The following ADRA1B variants were observed in gnomAD, a reference collection of about 807,000 sequenced individuals.
ADRA1B encodes the protein adrenoceptor alpha 1B.
Under a neutral mutation model 17.9 loss-of-function variants are expected in ADRA1B, and 17 were observed. The observed-to-expected ratio is 0.95, with a 90% CI of 0.65 to 1.42. ADRA1B has a LOEUF of 1.42. Among genes scored for constraint, ADRA1B ranks in the 40% most tolerant of loss-of-function variants. The pLI is 0.00. For missense variants in ADRA1B, 681 were observed against 722.1 expected, an observed-to-expected ratio of 0.94 and a Z score of 0.65; for synonymous variants, 366 against 327.6, an observed-to-expected ratio of 1.12 and a Z score of -1.27.
chr5:159,931,712 A>C (rs1418281877), intron 1 of ADRA1B, among the ~76,000 whole-genome samples: 1 of 152,222 alleles, frequency 6.6e-6, no homozygotes, highest in Non-Finnish European at 1.5e-5. Context: ...CGGAAGTCCA[A>C]GATCAAGGAG....
intron 1 of ADRA1B, among the ~76,000 whole-genome samples, chr5:159,873,381 A>G (rs1753769469): frequency 6.6e-6 from 1 of 152,206 alleles, no homozygotes; most frequent in South Asian, 2.1e-4. Flanking sequence ...AAGTGCCATC[A>G]GCAGACACTC....
intron 1 of ADRA1B, among the ~76,000 whole-genome samples, chr5:159,882,777 A>G (rs1753876252): frequency 6.6e-6 from 1 of 151,998 alleles, no homozygotes; most frequent in South Asian, 2.1e-4. Context: ...GTGTCTGTTC[A>G]TTTTGCAATT....
At chr5:159,896,986 C>T (rs78181344) in intron 1 of ADRA1B, among the ~76,000 whole-genome samples, 2,727 of 152,250 alleles carry the variant, frequency 0.018, 74 homozygotes, top group African/African-American at 0.062. Context: ...GGAAAAATAG[C>T]CTGCATATCT....
At chr5:159,942,209 G>A (rs547571091) in intron 1 of ADRA1B, among the ~76,000 whole-genome samples, 5 of 152,188 alleles carry the variant, frequency 3.3e-5, no homozygotes, top group South Asian at 4.2e-4. Context: ...GGCGTGAGCC[G>A]CCATGGCCGG....
intron 1 of ADRA1B, among the ~76,000 whole-genome samples, chr5:159,927,383 A>G (rs1416705441): frequency 7.1e-6 from 1 of 141,330 alleles, no homozygotes; most frequent in Non-Finnish European, 1.5e-5. Flanking sequence ...TAAAACATGC[A>G]CACACACACA....
intron 1 of ADRA1B, among the ~76,000 whole-genome samples, chr5:159,883,747 G>A (rs1445345984): frequency 6.6e-6 from 1 of 152,212 alleles, no homozygotes; most frequent in Non-Finnish European, 1.5e-5. Flanking sequence ...TAAGAAGAGG[G>A]TGATGAACAT....
At chr5:159,949,282 T>G (rs906647482) in intron 1 of ADRA1B, among the ~76,000 whole-genome samples, 3 of 152,194 alleles carry the variant, frequency 2.0e-5, no homozygotes, top group African/African-American at 7.2e-5. Context: ...TGAAGCCCAA[T>G]CTTCTGATAG....
At chr5:159,889,991 C>G (rs1753964672) in intron 1 of ADRA1B, among the ~76,000 whole-genome samples, 1 of 152,200 alleles carries the variant, frequency 6.6e-6, no homozygotes, top group Non-Finnish European at 1.5e-5. Flanking sequence ...TAAATAGACT[C>G]TGGCACAGAA....
intron 1 of ADRA1B, among the ~76,000 whole-genome samples, chr5:159,931,333 A>T (rs1277306001): frequency 1.3e-5 from 2 of 151,752 alleles, no homozygotes; most frequent in East Asian, 3.9e-4. Flanking sequence ...GGTCAAGGGT[A>T]CAATGAGCCA....
intron 1 of ADRA1B, among the ~76,000 whole-genome samples, chr5:159,907,311 T>G (rs941054147): frequency 1.2e-4 from 19 of 152,178 alleles, no homozygotes; most frequent in Non-Finnish European, 2.5e-4. Context: ...ATATGGCAAT[T>G]TCAGAAGTTG....
intron 1 of ADRA1B, among the ~76,000 whole-genome samples, chr5:159,933,363 G>A (rs546006745): frequency 5.3e-5 from 8 of 152,184 alleles, no homozygotes; most frequent in African/African-American, 1.7e-4. Context: ...GCAGACTCCC[G>A]GGAAAGGCCT....
At chr5:159,969,979 C>A (rs967794514) in intron 1 of ADRA1B, among the ~76,000 whole-genome samples, 1 of 151,418 alleles carries the variant, frequency 6.6e-6, no homozygotes, top group African/African-American at 2.4e-5. Flanking sequence ...TAGTCTAAAT[C>A]CCAGATATAT....
the ADRA1B span, among the ~76,000 whole-genome samples, chr5:159,979,911 G>A: frequency 6.6e-6 from 1 of 151,580 alleles, no homozygotes; most frequent in African/African-American, 2.4e-5. Context: ...GCAAGAAGGA[G>A]AGCAGAGGAG....
intron 1 of ADRA1B, among the ~76,000 whole-genome samples, chr5:159,957,770 T>C (rs1416447736): frequency 6.6e-6 from 1 of 151,172 alleles, no homozygotes; most frequent in African/African-American, 2.4e-5. Flanking sequence ...ACCTCGTCTC[T>C]ACTACAAATA....
At chr5:159,873,749 C>G (rs1042933156) in intron 1 of ADRA1B, among the ~76,000 whole-genome samples, 1 of 152,154 alleles carries the variant, frequency 6.6e-6, no homozygotes, top group Non-Finnish European at 1.5e-5. Context: ...TCACCTCCTT[C>G]CATCTCTAGA....
intron 1 of ADRA1B, among the ~76,000 whole-genome samples, chr5:159,944,189 C>G (rs1040626537): frequency 1.3e-4 from 20 of 152,010 alleles, no homozygotes; most frequent in African/African-American, 4.6e-4. Flanking sequence ...TCTAAAGATA[C>G]CAATTTACTC....
upstream of ADRA1B, among the ~76,000 whole-genome samples, chr5:159,912,322 T>G (rs1754235137): frequency 6.6e-6 from 1 of 152,242 alleles, no homozygotes; most frequent in Admixed American, 6.5e-5. Context: ...ATCCAGGCTC[T>G]TCATCACTTC....
At chr5:159,974,105 T>A (rs891905520), downstream of ADRA1B, among the ~76,000 whole-genome samples, 4 of 152,058 alleles carry the variant, frequency 2.6e-5, no homozygotes, top group African/African-American at 9.7e-5. Context: ...CAGTGATTGA[T>A]GTAGTTGAAA....
downstream of ADRA1B, among the ~76,000 whole-genome samples, chr5:159,974,169 G>T (rs1198854112): frequency 1.3e-5 from 2 of 151,124 alleles, no homozygotes; most frequent in Non-Finnish European, 2.9e-5. Context: ...AGATTGTCAA[G>T]TTACTCACAG....
Sources: gnomAD v4.1 joint callset for allele counts (sites outside exome capture counted in the v4.1 genomes callset) on GRCh38, gnomAD v4.1.1 for gene constraint, MANE v1.5 for transcripts, NCBI Gene and HGNC (gene_info 2026-07-23, HGNC 2026-07-21) for gene names.